SLCO3A1: variants seen among roughly 807,000 people sequenced by gnomAD.
SLCO3A1 encodes the protein solute carrier organic anion transporter family member 3A1, also known as PGE1 transporter.
In SLCO3A1, 27 loss-of-function variants were observed where a neutral mutation model predicts 63.1. That is an observed-to-expected ratio of 0.43 (90% CI 0.32 to 0.59). SLCO3A1 has a LOEUF of 0.59. Ranked by LOEUF, SLCO3A1 falls within the 20% of genes least tolerant of loss-of-function variation. SLCO3A1 has a pLI of 0.09. For missense variants in SLCO3A1, 773 were observed against 945.8 expected (o/e 0.82, Z 2.40); for synonymous variants, 473 against 409.9 (o/e 1.15, Z -1.86).
intron 5 of SLCO3A1, among the ~76,000 whole-genome samples, chr15:92,120,976 T>G (rs1445107052): frequency 2.0e-5 from 3 of 152,168 alleles, no homozygotes; most frequent in Non-Finnish European, 4.4e-5. Flanking sequence ...CCACATAAAG[T>G]TAAGAATATT....
At chr15:91,895,589 G>A (rs1406863058) in intron 1 of SLCO3A1, among the ~76,000 whole-genome samples, 2 of 152,214 alleles carry the variant, frequency 1.3e-5, no homozygotes, top group Admixed American at 1.3e-4. Flanking sequence ...AAATTACTGT[G>A]ACTAGCCATC....
At position 91,978,237 on chromosome 15, in the gene SLCO3A1, G is replaced by A. The variant is rs532089422; in HGVS notation, c.646+61779G>A. ...CCCTGTAAATGATAGGCCATCCTGC[G>A]GTACCCTCCCTTCTCACTGCTGTTT... On this transcript the variant is annotated intron_variant, in intron 2 of 9. Transcript: ENST00000318445. Among the ~76,000 whole-genome samples, 11 of 152,180 alleles carry A rather than the reference G, an allele frequency of 7.2e-5. No individual in the cohort carries two copies. The South Asian group carries it at 8.3e-4, about 11-fold the overall frequency.
At chr15:91,988,617 G>T (rs1254015438) in intron 2 of SLCO3A1, among the ~76,000 whole-genome samples, 7 of 152,032 alleles carry the variant, frequency 4.6e-5, no homozygotes, top group African/African-American at 1.7e-4. Flanking sequence ...AGGGGAATAA[G>T]AATCACCTGG....
At chr15:91,963,281 C>A (rs1163882065) in intron 2 of SLCO3A1, among the ~76,000 whole-genome samples, 2 of 152,050 alleles carry the variant, frequency 1.3e-5, no homozygotes, top group Non-Finnish European at 1.5e-5. Context: ...CAGCTTTCAG[C>A]TTTTAATATT....
chr15:92,040,767 G>C (rs1224883057), intron 2 of SLCO3A1, among the ~76,000 whole-genome samples: 1 of 152,128 alleles, frequency 6.6e-6, no homozygotes, highest in African/African-American at 2.4e-5. Flanking sequence ...GAACAGATTG[G>C]TCCTCAGCCT....
intron 2 of SLCO3A1, among the ~76,000 whole-genome samples, chr15:92,093,144 A>C (rs959676023): frequency 1.3e-5 from 2 of 152,206 alleles, no homozygotes; most frequent in East Asian, 1.9e-4. Context: ...TTGCCTTGCT[A>C]TAAAGAAATA....
chr15:92,061,824 GA>G (rs1213503049), intron 2 of SLCO3A1, among the ~76,000 whole-genome samples: 1 of 152,220 alleles, frequency 6.6e-6, no homozygotes, highest in East Asian at 1.9e-4. Context: ...TTTGTTTGTG[GA>G]TGCACATGTA....
chr15:91,992,631 G>A (rs1403204236), intron 2 of SLCO3A1, among the ~76,000 whole-genome samples: 2 of 152,184 alleles, frequency 1.3e-5, no homozygotes, highest in African/African-American at 4.8e-5. Context: ...TCTTTGCCCA[G>A]TAACAGTCAA....
At chr15:91,891,599 C>A (rs142937214) in intron 1 of SLCO3A1, among the ~76,000 whole-genome samples, 2 of 152,152 alleles carry the variant, frequency 1.3e-5, no homozygotes, top group African/African-American at 2.4e-5. Context: ...ATTCCAGGGT[C>A]AGCTTCATGG....
At chr15:91,910,802 T>A (rs1898460941) in intron 1 of SLCO3A1, among the ~76,000 whole-genome samples, 1 of 152,186 alleles carries the variant, frequency 6.6e-6, no homozygotes, top group African/African-American at 2.4e-5. Context: ...CAGGGAACTC[T>A]GAAAATACAG....
chr15:92,038,998 G>A (rs2046762090), intron 2 of SLCO3A1, among the ~76,000 whole-genome samples: 1 of 152,146 alleles, frequency 6.6e-6, no homozygotes, highest in African/African-American at 2.4e-5. Flanking sequence ...AAGCAATGGG[G>A]AAAGGATTCC....
chr15:91,927,152 C>A (rs1567189827), intron 2 of SLCO3A1, among the ~76,000 whole-genome samples: 1 of 152,088 alleles, frequency 6.6e-6, no homozygotes, highest in African/African-American at 2.4e-5. Context: ...ATTGGAGACA[C>A]CCCTCGGCCC....
chr15:92,076,360 G>A (rs1453291446), intron 2 of SLCO3A1, among the ~76,000 whole-genome samples: 1 of 119,168 alleles, frequency 8.4e-6, no homozygotes, highest in Admixed American at 1.1e-4. Context: ...TAGATAGGAG[G>A]GATTTCTGCT....
intron 2 of SLCO3A1, among the ~76,000 whole-genome samples, chr15:92,003,972 G>A (rs1408652796): frequency 2.0e-5 from 3 of 152,178 alleles, no homozygotes; most frequent in African/African-American, 7.2e-5. Context: ...CCTCTATCAT[G>A]GATTCTGATA....
chr15:91,907,211 C>T (rs1430498814), intron 1 of SLCO3A1, among the ~76,000 whole-genome samples: 1 of 149,030 alleles, frequency 6.7e-6, no homozygotes, highest in African/African-American at 2.5e-5. Context: ...CTTTCTTTTT[C>T]TGTTGTTTTC....
intron 2 of SLCO3A1, among the ~76,000 whole-genome samples, chr15:91,934,593 T>G (rs901066493): frequency 6.6e-6 from 1 of 152,146 alleles, no homozygotes; most frequent in Non-Finnish European, 1.5e-5. Flanking sequence ...GCAAAAAGAG[T>G]CAACTCTTGT....
intron 1 of SLCO3A1, among the ~76,000 whole-genome samples, chr15:91,895,817 G>A (rs1431687547): frequency 6.6e-6 from 1 of 152,180 alleles, no homozygotes; most frequent in African/African-American, 2.4e-5. Flanking sequence ...ATTAAATTAT[G>A]TGGTGTTTTC....
intron 2 of SLCO3A1, among the ~76,000 whole-genome samples, chr15:91,980,794 T>A (rs919353308): frequency 6.6e-6 from 1 of 152,150 alleles, no homozygotes; most frequent in African/African-American, 2.4e-5. Context: ...CTTCTGTTTC[T>A]ACTTCTGTGC....
At chr15:91,858,574 A>G (rs1896979098) in intron 1 of SLCO3A1, among the ~76,000 whole-genome samples, 1 of 151,988 alleles carries the variant, frequency 6.6e-6, no homozygotes, top group Non-Finnish European at 1.5e-5. Flanking sequence ...CATTTTGTTA[A>G]CTCTTCCCCT....
Sources: allele counts gnomAD v4.1 joint callset (sites outside exome capture counted in the v4.1 genomes callset), GRCh38; gene constraint gnomAD v4.1.1; transcripts MANE v1.5; gene names NCBI Gene and HGNC (gene_info 2026-07-23, HGNC 2026-07-21).